Variants in MORN2 observed in about 807,000 individuals in gnomAD.
MORN2 encodes MORN repeat containing 2.
A neutral mutation model predicts 13.4 loss-of-function variants in MORN2; 15 were observed. The ratio of observed to expected loss-of-function variants is 1.12; its 90% CI spans 0.75 to 1.72. MORN2 has a LOEUF of 1.72. Among genes scored for constraint, MORN2 ranks in the 40% most tolerant of loss-of-function variants. MORN2 has a pLI of 0.00. For synonymous variants in MORN2, 46 were observed against 43.6 expected (o/e 1.06, Z -0.22); for missense variants, 168 against 134.6 (o/e 1.25, Z -1.23).
At chr2:38,876,229 A>C (rs1486552529) in intron 1 of MORN2, 119 bp downstream of exon 1, 2 of 396,992 alleles carry the variant, frequency 5.0e-6, no homozygotes, top group African/African-American at 2.1e-5. Context: ...ATATTTCCTG[A>C]CCGTCTAGCC....
Position 38,882,626 on chromosome 2 carries a change from C to A in MORN2, c.*111C>A. The A allele has an allele frequency of 3.0e-6, 2 of 657,038 alleles. No individual in the cohort carries two copies. Among genetic ancestry groups the A allele is most frequent in the African/African-American group, 1.8e-5 (1 of 55,170 alleles). The allele number at this position is 657,038 out of a possible 1,614,324, so 40.7% of individuals were successfully genotyped here. A position where few individuals can be genotyped will look rare whatever the true frequency, so the allele number is the denominator to read the frequency against. On this transcript the variant is annotated 3_prime_UTR_variant, in exon 5 of 5. Coordinates refer to ENST00000644631, the MANE Select transcript of MORN2 (RefSeq NM_001145450.3). ...TCATACACTACCCCTATAAGTTTGC[C>A]AATAAAACCATCACCTGCTTACACC...
intron 1 of MORN2, 198 bp downstream of exon 1, chr2:38,876,308 A>G: frequency 2.6e-6 from 1 of 392,124 alleles, no homozygotes; most frequent in Non-Finnish European, 4.5e-6. Context: ...CTGTTGAGAC[A>G]CCCGAGGCGC....
intron 4 of MORN2, among the ~76,000 whole-genome samples, chr2:38,881,882 C>G (rs542800841): frequency 6.6e-6 from 1 of 152,326 alleles, no homozygotes; most frequent in East Asian, 1.9e-4. Flanking sequence ...AACTCCTGAC[C>G]TCAAGTGATC....
chr2:38,880,658 T>C lies in MORN2; in HGVS notation c.168T>C (p.His56=). The C allele has an allele frequency of 6.5e-7, 1 of 1,549,308 alleles. No individual in the cohort carries two copies. The highest frequency in any genetic ancestry group is 1.4e-5 in the African/African-American group (1 of 73,094). Reference sequence around the variant, plus strand: ...ACGAGAGAAATGGAATAGGTATTCATACCACTCCTAATGGGATTGTCTACA... The same window carrying C: ...ACGAGAGAAATGGAATAGGTATTCACACCACTCCTAATGGGATTGTCTACA... Residue 56 remains histidine, a synonymous_variant, in exon 3 of 5, where the codon CAT becomes CAC. Coordinates refer to ENST00000644631, the MANE Select transcript of MORN2 (RefSeq NM_001145450.3).
intron 2 of MORN2, 70 bp downstream of exon 2, chr2:38,880,299 G>C (rs952764001): frequency 1.3e-5 from 5 of 398,904 alleles, no homozygotes; most frequent in African/African-American, 1.0e-4. Flanking sequence ...AACTGAGACT[G>C]TTAAATTTTA....
intron 1 of MORN2, among the ~76,000 whole-genome samples, chr2:38,878,851 T>C (rs1665714268): frequency 6.6e-6 from 1 of 152,162 alleles, no homozygotes; most frequent in African/African-American, 2.4e-5. Context: ...TCTCAAGTGG[T>C]ACCTAAATTA....
chr2:38,881,184 G>A (rs1665768004), intron 3 of MORN2, among the ~76,000 whole-genome samples: 2 of 152,224 alleles, frequency 1.3e-5, no homozygotes, highest in South Asian at 4.2e-4. Context: ...GTATCTTGAG[G>A]ACCCCTATTT....
rs1409183042 is a variant in MORN2 at position 38,880,651 on chromosome 2, G to C, written c.161G>C (p.Gly54Ala). ...GGAATCTACGAGAGAAATGGAATAG[G>C]TATTCATACCACTCCTAATGGGATT... Residue 54 changes from glycine (G) to alanine (A), a missense_variant, in exon 3 of 5, where the codon GGT (glycine) becomes GCT (alanine). Coordinates refer to ENST00000644631, the MANE Select transcript of MORN2 (RefSeq NM_001145450.3). 6.5e-7 allele frequency: 1 copy of C among 1,548,240 alleles called. No homozygotes were observed. Among genetic ancestry groups the C allele is most frequent in the Non-Finnish European group, 8.7e-7 (1 of 1,146,058 alleles).
chr2:38,876,169 C>G (rs966607206), intron 1 of MORN2, 59 bp downstream of exon 1: 1 of 398,568 alleles, frequency 2.5e-6, no homozygotes, highest in African/African-American at 2.1e-5. Context: ...GTCGAACTAG[C>G]GTGGAGTCAG....
At chr2:38,879,381 C>T (rs1208618180) in intron 1 of MORN2, among the ~76,000 whole-genome samples, 1 of 152,110 alleles carries the variant, frequency 6.6e-6, no homozygotes, top group Non-Finnish European at 1.5e-5. Context: ...AAACAACCTA[C>T]ATGTCCATGA....
chr2:38,879,993 C>A (rs541686611), intron 1 of MORN2, among the ~76,000 whole-genome samples, 186 bp from the exon 2 acceptor site: 1 of 152,132 alleles, frequency 6.6e-6, no homozygotes, highest in Non-Finnish European at 1.5e-5. Context: ...GGTCTTATGA[C>A]ATAAGAATGT....
intron 1 of MORN2, among the ~76,000 whole-genome samples, chr2:38,877,796 T>A (rs950774631): frequency 1.3e-5 from 2 of 151,090 alleles, no homozygotes; most frequent in Non-Finnish European, 2.9e-5. Context: ...AACTTAATTT[T>A]TTTTATTTTA....
intron 1 of MORN2, 199 bp downstream of exon 1, chr2:38,876,309 C>T (rs1665618342): frequency 5.1e-6 from 2 of 392,150 alleles, no homozygotes; most frequent in Non-Finnish European, 9.0e-6. Flanking sequence ...TGTTGAGACA[C>T]CCGAGGCGCG....
intron 1 of MORN2, among the ~76,000 whole-genome samples, chr2:38,876,478 T>C: frequency 6.6e-6 from 1 of 152,238 alleles, no homozygotes; most frequent in Admixed American, 6.5e-5. Flanking sequence ...CTCTGCTTCA[T>C]AGGCACTTAA....
At position 38,877,303 on chromosome 2, in the gene MORN2, A is replaced by G. The variant is rs530142320; in HGVS notation, c.58+1193A>G. Among the ~76,000 whole-genome samples the G allele has an allele frequency of 6.6e-5, 10 of 151,872 alleles. No homozygotes were observed. The East Asian group carries it at 1.5e-3, about 23-fold the overall frequency. The stretch of plus-strand genomic sequence containing the variant: ...ATAAATAAATAAATTAAATTAAATT[A>G]AATTAAATTAAAAAATAAAAAAGAA... On this transcript the variant is annotated intron_variant, in intron 1 of 4. Coordinates refer to ENST00000644631, the MANE Select transcript of MORN2 (RefSeq NM_001145450.3).
At chr2:38,879,700 G>C (rs1052405863) in intron 1 of MORN2, among the ~76,000 whole-genome samples, 15 of 151,880 alleles carry the variant, frequency 9.9e-5, no homozygotes, top group African/African-American at 3.1e-4. Flanking sequence ...TTTCTTTCTG[G>C]GATGATTAAA....
chr2:38,881,819 T>G (rs1665783642), intron 4 of MORN2, among the ~76,000 whole-genome samples: 2 of 152,130 alleles, frequency 1.3e-5, no homozygotes, highest in Non-Finnish European at 2.9e-5. Context: ...CCCAGCTATT[T>G]TTTGTATTTT....
At chr2:38,880,797 T>C in intron 3 of MORN2, 91 bp downstream of exon 3, 11 of 1,358,736 alleles carry the variant, frequency 8.1e-6, no homozygotes, top group Non-Finnish European at 1.1e-5. Context: ...AAAACTCCTA[T>C]AATGAGTAGA....
At chr2:38,880,119 C>T (rs538255469) in intron 1 of MORN2, 60 bp from the exon 2 acceptor site, 15 of 396,474 alleles carry the variant, frequency 3.8e-5, no homozygotes, top group African/African-American at 2.7e-4. Context: ...TGTAGTGAAA[C>T]CTTGCCTCTA....
Sources: allele counts gnomAD v4.1 joint callset (sites outside exome capture counted in the v4.1 genomes callset), GRCh38; gene constraint gnomAD v4.1.1; transcripts MANE v1.5; gene names NCBI Gene and HGNC (gene_info 2026-07-23, HGNC 2026-07-21).